DGKH: variants seen among roughly 807,000 people sequenced by gnomAD.
DGKH encodes DAG kinase eta.
In DGKH, 90 loss-of-function variants were observed where a neutral mutation model predicts 159.3. The ratio of observed to expected loss-of-function variants is 0.57; its 90% CI spans 0.48 to 0.67. The LOEUF (loss-of-function observed/expected upper bound fraction) is 0.67. DGKH is among the 30% of genes least tolerant of loss of function. The pLI is 0.00. For synonymous variants in DGKH, 536 were observed against 553.8 expected, an observed-to-expected ratio of 0.97 and a Z score of 0.45; for missense variants, 1,181 against 1,506.1, an observed-to-expected ratio of 0.78 and a Z score of 3.57.
At chr13:42,172,786 G>A (rs916910848) in intron 11 of DGKH, among the ~76,000 whole-genome samples, 2 of 148,726 alleles carry the variant, frequency 1.3e-5, no homozygotes, top group African/African-American at 2.5e-5. Flanking sequence ...TGATTCTCCT[G>A]CCTCAGCCTC....
At chr13:42,142,804 G>C (rs959954254) in intron 3 of DGKH, among the ~76,000 whole-genome samples, 1 of 152,120 alleles carries the variant, frequency 6.6e-6, no homozygotes, top group African/African-American at 2.4e-5. Context: ...GGGCTGAGAC[G>C]ATGGGGTTTT....
At chr13:42,099,358 G>A (rs905101322) in intron 1 of DGKH, among the ~76,000 whole-genome samples, 2 of 152,118 alleles carry the variant, frequency 1.3e-5, no homozygotes, top group African/African-American at 4.8e-5. Flanking sequence ...GGCTGAATAA[G>A]GGCCCTGAAG....
At chr13:42,135,028 A>G (rs1955371718) in intron 3 of DGKH, among the ~76,000 whole-genome samples, 1 of 152,058 alleles carries the variant, frequency 6.6e-6, no homozygotes, top group African/African-American at 2.4e-5. Context: ...ACTTGTATTG[A>G]CTCAAATTAA....
intron 29 of DGKH, among the ~76,000 whole-genome samples, chr13:42,222,912 C>T (rs1487251058): frequency 6.6e-6 from 1 of 152,104 alleles, no homozygotes; most frequent in Non-Finnish European, 1.5e-5. Flanking sequence ...GAAAAACATA[C>T]ACTAAGGCAA....
At position 42,048,680 on chromosome 13, in the gene DGKH, C is replaced by T. The variant is rs1188119415; in HGVS notation, c.-94C>T. 4.2e-6 allele frequency: 5 copies of T among 1,201,448 alleles called. No homozygotes were observed. The highest frequency in any genetic ancestry group is 5.2e-6 in the Non-Finnish European group (5 of 965,980). The allele number at this position is 1,201,448 out of a possible 1,614,324, so 74.4% of individuals were successfully genotyped here. ...GGAAGATGGCGGCGGCGGCCGGGCA[C>T]GGGGTTCCGGGCTCCGCTCGGGCAG... is the stretch of plus-strand genomic sequence containing the variant. On this transcript the variant is annotated 5_prime_UTR_variant, in exon 1 of 30. In the 5' UTR this introduces an upstream ATG that the reference lacks. Coordinates refer to ENST00000337343, the MANE Select transcript of DGKH (RefSeq NM_178009.5). This position sits in a 1 kb window ranked among gnomAD's most constrained non-coding sequence, Gnocchi z 6.7.
At position 42,241,330 on chromosome 13, in the gene DGKH, C is replaced by T. The variant is rs1391492564; in HGVS notation, c.*12142C>T. Reference sequence around the variant, plus strand: ...AGGTATTAGGAGGACTTTTATAAACCGAGTGTTTTTCAGGTTACTTCAGAG... The same window carrying T: ...AGGTATTAGGAGGACTTTTATAAACTGAGTGTTTTTCAGGTTACTTCAGAG... On this transcript the variant is annotated 3_prime_UTR_variant, in exon 30 of 30. Coordinates refer to ENST00000337343, the MANE Select transcript of DGKH (RefSeq NM_178009.5). The T allele has an allele frequency of 1.3e-5, 2 of 152,034 alleles. No individual in the cohort carries two copies. The highest frequency in any genetic ancestry group is 3.8e-4 in the East Asian group (2 of 5,202). The allele number at this position is 152,034 out of a possible 1,614,324, so 9.4% of individuals were successfully genotyped here. A position where few individuals can be genotyped will look rare whatever the true frequency, so the allele number is the denominator to read the frequency against.
intron 1 of DGKH, among the ~76,000 whole-genome samples, chr13:42,068,412 T>C (rs1041668620): frequency 6.6e-5 from 10 of 152,128 alleles, no homozygotes; most frequent in Admixed American, 2.0e-4. Context: ...GCACTATGGG[T>C]GGTATGTTTT....
chr13:42,171,115 C>T (rs903682646), intron 11 of DGKH, among the ~76,000 whole-genome samples: 3 of 152,216 alleles, frequency 2.0e-5, no homozygotes, highest in Admixed American at 2.0e-4. Context: ...GGAATAAAAA[C>T]AACTAATTTT....
chr13:42,048,702 G>A lies in DGKH; in HGVS notation c.-72G>A. On this transcript the variant is annotated 5_prime_UTR_variant, in exon 1 of 30. Coordinates refer to ENST00000337343, the MANE Select transcript of DGKH (RefSeq NM_178009.5). The surrounding 1 kb of genome is among the most constrained non-coding windows in gnomAD (Gnocchi z 6.7). ...GCACGGGGTTCCGGGCTCCGCTCGG[G>A]CAGAGCCCACCCGCTGACCAACGCC... 1.6e-6 allele frequency: 2 copies of A among 1,224,544 alleles called. No homozygotes were observed. Among genetic ancestry groups the A allele is most frequent in the Non-Finnish European group, 2.0e-6 (2 of 978,494 alleles). The allele number at this position is 1,224,544 out of a possible 1,614,324, so 75.9% of individuals were successfully genotyped here.
intron 8 of DGKH, among the ~76,000 whole-genome samples, chr13:42,166,052 T>C (rs1956306149): frequency 6.6e-6 from 1 of 152,108 alleles, no homozygotes; most frequent in Non-Finnish European, 1.5e-5. Flanking sequence ...TCCCCCAAAA[T>C]ATACAGGGAG....
At chr13:42,053,412 CTA>C (rs987270367) in intron 1 of DGKH, among the ~76,000 whole-genome samples, 5 of 146,202 alleles carry the variant, frequency 3.4e-5, no homozygotes, top group African/African-American at 1.0e-4. Context: ...ATATATATAA[CTA>C]TATATGTAAC....
At chr13:42,133,706 CA>C (rs1374397704) in intron 3 of DGKH, among the ~76,000 whole-genome samples, 3 of 151,916 alleles carry the variant, frequency 2.0e-5, no homozygotes, top group African/African-American at 4.8e-5. Flanking sequence ...TAAAACAAAA[CA>C]AAACAAAATA....
intron 1 of DGKH, among the ~76,000 whole-genome samples, chr13:42,051,095 C>CTA (rs1316735307): frequency 6.6e-6 from 1 of 152,140 alleles, no homozygotes; most frequent in Non-Finnish European, 1.5e-5. Flanking sequence ...CTTATGGAGA[C>CTA]TACAAGTAAA....
chr13:42,085,045 G>A (rs574610269), intron 1 of DGKH, among the ~76,000 whole-genome samples: 140 of 151,874 alleles, frequency 9.2e-4, no homozygotes, highest in African/African-American at 3.3e-3. Flanking sequence ...TGTCCATTTT[G>A]AGTTACCCAT....
intron 29 of DGKH, among the ~76,000 whole-genome samples, chr13:42,222,276 G>A (rs1294230557): frequency 6.6e-6 from 1 of 152,132 alleles, no homozygotes; most frequent in East Asian, 1.9e-4. Flanking sequence ...GTTCTAAAAT[G>A]CATTAAATTT....
chr13:42,255,920 A>G (rs1958654042), intron 30 of DGKH: 2 of 1,590,996 alleles, frequency 1.3e-6, no homozygotes, highest in Admixed American at 3.5e-5. Flanking sequence ...GCCTTTTGTC[A>G]CTGCTCCAAA....
At chr13:42,124,815 A>G (rs1324485514) in intron 1 of DGKH, among the ~76,000 whole-genome samples, 1 of 152,190 alleles carries the variant, frequency 6.6e-6, no homozygotes, top group Admixed American at 6.5e-5. Flanking sequence ...ATTTTTCTTA[A>G]GAGTCTGTGC....
chr13:42,178,119 G>A lies in DGKH; in HGVS notation c.1453-16G>A. 1.2e-6 allele frequency: 2 copies of A among 1,600,464 alleles called. No homozygotes were observed. Among genetic ancestry groups the A allele is most frequent in the Non-Finnish European group, 1.7e-6 (2 of 1,171,450 alleles). ...GCCAGCAACAATAATACAGTGTAGA[G>A]TTTTCTTTTCTTCAGATGACGATTT... On this transcript the variant is annotated splice_polypyrimidine_tract_variant and intron_variant, in intron 12 of 29. Coordinates refer to ENST00000337343, the MANE Select transcript of DGKH (RefSeq NM_178009.5).
At chr13:42,244,756 T>C (rs1958564189), downstream of DGKH, among the ~76,000 whole-genome samples, 2 of 150,546 alleles carry the variant, frequency 1.3e-5, no homozygotes, top group African/African-American at 4.9e-5. Flanking sequence ...TACAAAAAAT[T>C]AGCCGGGCGT....
Sources: gnomAD v4.1 joint callset for allele counts (sites outside exome capture counted in the v4.1 genomes callset) on GRCh38, gnomAD v4.1.1 for gene constraint, Gnocchi (gnomAD v3.1) non-coding constraint, MANE v1.5 for transcripts, NCBI Gene and HGNC (gene_info 2026-07-23, HGNC 2026-07-21) for gene names.